The following NEB variants were observed in gnomAD, a reference collection of about 807,000 sequenced individuals.
The protein encoded by NEB is nebulin, also known as nemaline myopathy type 2.
NEB carries 512 observed loss-of-function variants against 952.2 expected under a neutral mutation model. The ratio of observed to expected loss-of-function variants is 0.54; its 90% CI spans 0.50 to 0.58. The LOEUF is 0.58. NEB is among the 20% of genes least tolerant of loss of function. The pLI is 0.00. For synonymous variants in NEB, 2,900 were observed against 3,149.8 expected (o/e 0.92, Z 2.66); for missense variants, 8,428 against 9,231.1 (o/e 0.91, Z 3.56).
At chr2:151,532,210 C>T (rs887160948) in intron 143 of NEB, 8 of 225,732 alleles carry the variant, frequency 3.5e-5, no homozygotes, top group Non-Finnish European at 7.0e-5. Context: ...AATTCTTCTG[C>T]CTCAGCCTCC....
chr2:151,627,133 T>G lies in NEB; in HGVS notation c.10216A>C (p.Lys3406Gln). Residue 3406 changes from lysine (K) to glutamine (Q), a missense_variant, in exon 70 of 182, where the codon AAG becomes CAG. Around this residue, in one of 11 missense-constraint regions of NEB, gnomAD observed 1,772 missense variants for 1,960.3 expected, o/e 0.90. Transcript: ENST00000397345. ...AGTATTTCAGCAGCTCTCTTGCACTTGACCACATCCATAGACCCAATGGGG... is the reference window on the plus strand; with the variant it reads ...AGTATTTCAGCAGCTCTCTTGCACTGGACCACATCCATAGACCCAATGGGG... ...WVPIGSMDVV[K>Q]CKRAAEILSD... 6.2e-7 allele frequency: 1 copy of G among 1,613,954 alleles called. No homozygotes were observed. Among genetic ancestry groups the G allele is most frequent in the Non-Finnish European group, 8.5e-7 (1 of 1,179,862 alleles).
At chr2:151,545,684 AG>A (rs1444649732) in intron 135 of NEB, among the ~76,000 whole-genome samples, 1 of 152,236 alleles carries the variant, frequency 6.6e-6, no homozygotes, top group African/African-American at 2.4e-5. Context: ...TCTTACCAAA[AG>A]GGGGCAAAAT....
intron 76 of NEB, among the ~76,000 whole-genome samples, chr2:151,615,172 G>GT (rs2098150667): frequency 6.6e-6 from 1 of 152,176 alleles, no homozygotes; most frequent in Non-Finnish European, 1.5e-5. Context: ...CTACCATGGT[G>GT]TGGGCTTCTC....
chr2:151,639,482 G>A, intron 62 of NEB, 98 bp from the exon 63 acceptor site: 1 of 908,592 alleles, frequency 1.1e-6, no homozygotes, highest in South Asian at 2.0e-5. Flanking sequence ...AAAAGAAAAG[G>A]TTATGTGTTT....
rs1418513546 is a variant in NEB, at chr2:151,529,223, T to G, written c.21722A>C (p.Lys7241Thr). The change falls in exon 146 of 182, where the codon AAA (lysine) becomes ACA (threonine). Residue 7241 changes from lysine to threonine, a missense_variant. By Grantham distance (78) the Lys-to-Thr change is moderately conservative (BLOSUM62 -1). Transcript: ENST00000397345. ...VHIKAAKDAY[K>T]VNTNLDYKKQ... Reference sequence around the variant, plus strand: ...TCTGGAACTTACATTGGTGTTGACTTTGTAGGCGTCCTTGGCTGCTTTGAT... The same window carrying G: ...TCTGGAACTTACATTGGTGTTGACTGTGTAGGCGTCCTTGGCTGCTTTGAT... 6.2e-7 allele frequency: 1 copy of G among 1,611,412 alleles called. No individual in the cohort carries two copies. The highest frequency in any genetic ancestry group is 1.3e-5 in the African/African-American group (1 of 74,972).
At chr2:151,657,068 G>A (rs113064554) in intron 48 of NEB, among the ~76,000 whole-genome samples, 2,649 of 152,248 alleles carry the variant, frequency 0.017, 29 homozygotes, top group Middle Eastern at 0.031. Flanking sequence ...TCTACAGAGG[G>A]GAGATCTTGA....
rs577719000 is a variant in NEB, at chr2:151,689,275, G to T, written c.2311-879C>A. On this transcript the variant is annotated intron_variant, in intron 24 of 181. Transcript: ENST00000397345. ...GCTGGAGTACAGTGACACAATCTCG[G>T]CTCACTGCAACCTCCGCCTCCCAGG... 18 of 140,624 alleles carry T rather than the reference G, an allele frequency of 1.3e-4. No individual in the cohort carries two copies. The Admixed American group carries it at 1.4e-3, about 11-fold the overall frequency. 8.7% of individuals were successfully genotyped at this position (140,624 alleles called of 1,614,324 possible).
chr2:151,731,426 G>A (rs1202324967), intron 3 of NEB, among the ~76,000 whole-genome samples: 1 of 152,084 alleles, frequency 6.6e-6, no homozygotes, highest in Non-Finnish European at 1.5e-5. Flanking sequence ...TTTAAAGCCA[G>A]TTCTTCTCTG....
chr2:151,702,224 T>C (rs2099675278), intron 13 of NEB, among the ~76,000 whole-genome samples: 1 of 151,764 alleles, frequency 6.6e-6, no homozygotes. Context: ...CACTGTGGTC[T>C]GAAAGATAGT....
In NEB at chr2:151,502,798, T is replaced by A. The variant is rs769556522; in HGVS notation, c.23923A>T (p.Ser7975Cys). Residue 7975 changes from serine (S) to cysteine (C), a missense_variant, in exon 167 of 182, where the codon AGC becomes TGC. This residue lies in a region of NEB where 3,374 missense variants were observed against 3,651.5 expected (regional missense o/e 0.92). Transcript: ENST00000397345. ...ERVKRNQENFSSILYKENLSK... is the reference protein window; with the variant it reads ...ERVKRNQENFCSILYKENLSK... ...TTTGGCCCCCTAAGAAATACCGAGC[T>A]AAAGTTCTCTTGATTGCGTTTGACT... 1 of 1,591,726 alleles carries A rather than the reference T, an allele frequency of 6.3e-7. No homozygotes were observed. Among genetic ancestry groups the A allele is most frequent in the Non-Finnish European group, 8.6e-7 (1 of 1,161,754 alleles).
chr2:151,636,192 T>C (rs948460130), intron 64 of NEB, 35 bp downstream of exon 64: 15 of 1,537,706 alleles, frequency 9.8e-6, no homozygotes, highest in African/African-American at 8.2e-5. Context: ...CCACATTAGA[T>C]TGATCACATA....
chr2:151,612,140 C>T (rs2098003313), intron 78 of NEB, 46 bp downstream of exon 78: 2 of 1,576,920 alleles, frequency 1.3e-6, no homozygotes, highest in Non-Finnish European at 8.7e-7. Flanking sequence ...TGAGCCAAAT[C>T]TGTGGAAGGT....
intron 126 of NEB, 114 bp downstream of exon 126, chr2:151,553,714 T>C (rs956718231): frequency 1.8e-6 from 2 of 1,082,304 alleles, no homozygotes; most frequent in South Asian, 3.3e-5. Context: ...AATGGACATA[T>C]AGGGAAGAGA....
chr2:151,514,327 G>A lies in NEB; in HGVS notation c.23118C>T (p.Ile7706=). Residue 7706 remains isoleucine, a synonymous_variant, in exon 159 of 182, where the codon ATC becomes ATT. Transcript: ENST00000397345. ...TCAGCTGTGGGCCTACCTCATTGAG[G>A]ATTTGAGTGGCATTCTTTGCTCTTA... The part of the protein sequence containing the change: ...DMLRAKNATQ[I]LNEKEYKRDL... The A allele has an allele frequency of 3.1e-6, 5 of 1,610,096 alleles. No homozygotes were observed. The highest frequency in any genetic ancestry group is 4.3e-6 in the Non-Finnish European group (5 of 1,176,382).
At chr2:151,523,850 A>G (rs78353363) in intron 153 of NEB, among the ~76,000 whole-genome samples, 2 of 152,072 alleles carry the variant, frequency 1.3e-5, no homozygotes, top group East Asian at 3.9e-4. Context: ...GCTCATCCCT[A>G]CTTCCTAGCC....
At chr2:151,492,591 C>A in intron 176 of NEB, 97 bp from the exon 177 acceptor site, 1 of 857,342 alleles carries the variant, frequency 1.2e-6, no homozygotes, top group South Asian at 2.1e-5. Context: ...TGGTGAGGGA[C>A]GCTTGGGTCA....
rs759468022 is a variant in NEB, at chr2:151,629,633, A to C, written c.9737T>G (p.Leu3246Arg). Reference protein sequence around the residue: ...KINYSETLYKLANEEAKKKGY... With the variant: ...KINYSETLYKRANEEAKKKGY... Reference sequence around the variant, plus strand: ...TTTCTTTTTTGCTTCTTCATTGGCAAGTTTGTATAGAGTCTATGAAAAGAA... The same window carrying C: ...TTTCTTTTTTGCTTCTTCATTGGCACGTTTGTATAGAGTCTATGAAAAGAA... The change falls in exon 68 of 182, where the codon CTT becomes CGT. Residue 3246 changes from leucine (L) to arginine (R), a missense_variant. Leu to Arg is a moderately radical substitution (Grantham distance 102, BLOSUM62 -2). Around this residue, in one of 11 missense-constraint regions of NEB, gnomAD observed 1,772 missense variants for 1,960.3 expected, o/e 0.90. Transcript: ENST00000397345. 1 of 1,613,340 alleles carries C rather than the reference A, an allele frequency of 6.2e-7. No individual in the cohort carries two copies. Among genetic ancestry groups the C allele is most frequent in the Non-Finnish European group, 8.5e-7 (1 of 1,179,524 alleles).
Position 151,563,618 on chromosome 2 carries a change from C to G in NEB, c.18681G>C (p.Lys6227Asn). ...GACATTTACTTACCGCACTCCTCAT[C>G]TTTTGGAAATCCAGACAGTGAACCA... ...PGVVHCLDFQ[K>N]MRSALNYRKH... Residue 6227 changes from lysine (K) to asparagine (N), a missense_variant, in exon 119 of 182, where the codon AAG becomes AAC. Around this residue, in one of 11 missense-constraint regions of NEB, gnomAD observed 3,374 missense variants for 3,651.5 expected, o/e 0.92. Coordinates refer to ENST00000397345, the MANE Select transcript of NEB (RefSeq NM_001164508.2). 6.2e-7 allele frequency: 1 copy of G among 1,613,732 alleles called. No homozygotes were observed.
chr2:151,643,137 A>G lies in NEB; in HGVS notation c.8160+13T>C, dbSNP rs754142587. 2 of 1,602,966 alleles carry G rather than the reference A, an allele frequency of 1.2e-6. No individual in the cohort carries two copies. Among genetic ancestry groups the G allele is most frequent in the South Asian group, 2.2e-5 (2 of 90,230 alleles). ...AAAAATTAATAACCTCCTCAAACAAACATAGGACTTACATGATTCATGGTA... is the reference window on the plus strand; with the variant it reads ...AAAAATTAATAACCTCCTCAAACAAGCATAGGACTTACATGATTCATGGTA... On this transcript the variant is annotated intron_variant, in intron 58 of 181. Transcript: ENST00000397345.
Sources: allele counts gnomAD v4.1 joint callset (sites outside exome capture counted in the v4.1 genomes callset), GRCh38; gene constraint gnomAD v4.1.1; regional missense constraint gnomAD v4.1.1; transcripts MANE v1.5; gene names NCBI Gene and HGNC (gene_info 2026-07-23, HGNC 2026-07-21).